STXBP5L: variants seen among roughly 807,000 people sequenced by gnomAD.
STXBP5L encodes syntaxin-binding protein 5-like.
STXBP5L carries 65 observed loss-of-function variants against 144.5 expected under a neutral mutation model. That is an observed-to-expected ratio of 0.45 (90% CI 0.37 to 0.55). The LOEUF (loss-of-function observed/expected upper bound fraction) is 0.55, where lower values mean the gene tolerates loss of function less well. Among genes scored for constraint, STXBP5L ranks in the 20% least tolerant of loss-of-function variants. The pLI is 0.00. For missense variants in STXBP5L, 1,298 were observed against 1,405.5 expected (o/e 0.92, Z 1.22); for synonymous variants, 505 against 469.6 (o/e 1.08, Z -0.97).
At chr3:121,182,829 C>T (rs1357951837) in intron 9 of STXBP5L, among the ~76,000 whole-genome samples, 1 of 152,110 alleles carries the variant, frequency 6.6e-6, no homozygotes, top group Admixed American at 6.6e-5. Flanking sequence ...ACAACCGATA[C>T]CTTAGAAAAA....
chr3:121,228,613 A>G (rs2049198190), intron 11 of STXBP5L, among the ~76,000 whole-genome samples: 1 of 152,220 alleles, frequency 6.6e-6, no homozygotes, highest in Non-Finnish European at 1.5e-5. Context: ...GCAGTGGCTC[A>G]TGCCTGTAAT....
At chr3:121,001,373 T>C (rs1412322654) in intron 3 of STXBP5L, among the ~76,000 whole-genome samples, 1 of 152,182 alleles carries the variant, frequency 6.6e-6, no homozygotes, top group African/African-American at 2.4e-5. Context: ...AAGGGGATAC[T>C]CAGATCAGAC....
chr3:121,146,406 A>C (rs2107962552), intron 7 of STXBP5L, among the ~76,000 whole-genome samples: 1 of 152,180 alleles, frequency 6.6e-6, no homozygotes, highest in African/African-American at 2.4e-5. Context: ...AATTAGGATA[A>C]GAAAAAACTA....
rs545486952 is a variant in STXBP5L, at chr3:120,999,252, C to T, written c.288-42448C>T. Reference sequence around the variant, plus strand: ...ATTTTTAGTAGAGATGTGGTTTCACCGTGTTGGCCAGGCTTGTCTTGAACT... The same window carrying T: ...ATTTTTAGTAGAGATGTGGTTTCACTGTGTTGGCCAGGCTTGTCTTGAACT... On this transcript the variant is annotated intron_variant, in intron 3 of 26. Transcript: ENST00000471454. 5.3e-5 allele frequency among the ~76,000 whole-genome samples: 8 copies of T among 152,194 alleles called. No individual in the cohort carries two copies. The East Asian group carries it at 1.4e-3, about 26-fold the overall frequency.
At chr3:121,366,322 GGTCT>G (rs2045863653) in intron 20 of STXBP5L, among the ~76,000 whole-genome samples, 2 of 151,458 alleles carry the variant, frequency 1.3e-5, no homozygotes, top group African/African-American at 4.8e-5. Flanking sequence ...CTGTCTGGTT[GGTCT>G]ATCTATTTTT....
intron 2 of STXBP5L, among the ~76,000 whole-genome samples, chr3:120,930,378 TG>T (rs1709870113): frequency 6.6e-6 from 1 of 151,974 alleles, no homozygotes; most frequent in Non-Finnish European, 1.5e-5. Context: ...TATATTGATG[TG>T]TTTTGGCTGT....
chr3:121,304,596 T>A (rs1022107364), intron 19 of STXBP5L, among the ~76,000 whole-genome samples: 5 of 152,088 alleles, frequency 3.3e-5, no homozygotes, highest in Non-Finnish European at 7.4e-5. Context: ...ATTAAGCAAC[T>A]CATCTCTAAA....
chr3:121,200,778 A>C (rs1041873108), intron 9 of STXBP5L, among the ~76,000 whole-genome samples: 1 of 152,110 alleles, frequency 6.6e-6, no homozygotes, highest in Non-Finnish European at 1.5e-5. Flanking sequence ...CTCAATTTCC[A>C]TTAGTTGTGT....
chr3:120,987,286 T>C (rs139514452), intron 3 of STXBP5L, among the ~76,000 whole-genome samples: 66 of 152,154 alleles, frequency 4.3e-4, no homozygotes, highest in African/African-American at 1.4e-3. Context: ...CAGAATATTG[T>C]ATTATCAGTA....
At chr3:120,988,005 C>T (rs1455209962) in intron 3 of STXBP5L, among the ~76,000 whole-genome samples, 2 of 150,416 alleles carry the variant, frequency 1.3e-5, no homozygotes, top group East Asian at 3.9e-4. Context: ...TGTTTGTTGC[C>T]TTCATCTTGG....
In STXBP5L at chr3:121,204,787, G is replaced by C. The variant is rs115293351; in HGVS notation, c.878-1136G>C. 4.1e-3 allele frequency among the ~76,000 whole-genome samples: 629 copies of C among 152,162 alleles called. 4 individuals carry two copies. Among genetic ancestry groups the C allele is most frequent in the African/African-American group, 0.015 (606 of 41,536 alleles). On this transcript the variant is annotated intron_variant, in intron 9 of 26. Coordinates refer to ENST00000471454, the MANE Select transcript of STXBP5L (RefSeq NM_001308330.2). ...ACACAAGCCAGTTTAACCAAAATGA[G>C]AAAGAATTAAACTGAAAGCATAACT...
chr3:121,349,195 C>G (rs2045154637), intron 20 of STXBP5L, among the ~76,000 whole-genome samples: 1 of 152,098 alleles, frequency 6.6e-6, no homozygotes, highest in African/African-American at 2.4e-5. Flanking sequence ...ATCTTTATTT[C>G]TGCCTTCATT....
At chr3:120,939,455 TC>T (rs1188030346) in intron 2 of STXBP5L, among the ~76,000 whole-genome samples, 1 of 152,050 alleles carries the variant, frequency 6.6e-6, no homozygotes, top group Non-Finnish European at 1.5e-5. Context: ...CTCAAAATGT[TC>T]CCCCTCCCCT....
At chr3:120,995,310 G>C (rs770916052) in intron 3 of STXBP5L, among the ~76,000 whole-genome samples, 3 of 151,946 alleles carry the variant, frequency 2.0e-5, no homozygotes, top group Non-Finnish European at 4.4e-5. Context: ...ACCATGCCTG[G>C]CTAATTTTTT....
intron 20 of STXBP5L, among the ~76,000 whole-genome samples, chr3:121,367,163 G>A (rs1336044386): frequency 6.6e-6 from 1 of 152,044 alleles, no homozygotes; most frequent in Non-Finnish European, 1.5e-5. Context: ...CAAAAGGTGT[G>A]GTTACAAACC....
chr3:121,157,725 A>T, intron 9 of STXBP5L, 98 bp downstream of exon 9: 1 of 1,473,004 alleles, frequency 6.8e-7, no homozygotes, highest in Non-Finnish European at 9.1e-7. Context: ...GAAAAAAGTA[A>T]TAGGACATAG....
intron 3 of STXBP5L, among the ~76,000 whole-genome samples, chr3:121,001,857 C>T (rs1943805678): frequency 6.6e-6 from 1 of 152,200 alleles, no homozygotes; most frequent in Non-Finnish European, 1.5e-5. Context: ...AGAAGCTCTT[C>T]CTAGCTGTGT....
chr3:120,951,019 C>T (rs1230955372), intron 2 of STXBP5L, among the ~76,000 whole-genome samples: 2 of 152,030 alleles, frequency 1.3e-5, no homozygotes, highest in Non-Finnish European at 2.9e-5. Context: ...ACTATCTGAT[C>T]TTTGACAAAC....
At chr3:121,365,947 T>C (rs773868748) in intron 20 of STXBP5L, among the ~76,000 whole-genome samples, 7 of 151,958 alleles carry the variant, frequency 4.6e-5, no homozygotes, top group Non-Finnish European at 1.0e-4. Context: ...TCTTATATGT[T>C]TTTGGTATGT....
Sources: allele counts gnomAD v4.1 joint callset (sites outside exome capture counted in the v4.1 genomes callset), GRCh38; gene constraint gnomAD v4.1.1; transcripts MANE v1.5; gene names NCBI Gene and HGNC (gene_info 2026-07-23, HGNC 2026-07-21).